LNX1: variants seen among roughly 807,000 people sequenced by gnomAD.
The protein encoded by LNX1 is ligand of numb-protein X 1, also known as E3 ubiquitin-protein ligase LNX.
A neutral mutation model predicts 68.4 loss-of-function variants in LNX1; 54 were observed. That is an observed-to-expected ratio of 0.79 (90% CI 0.63 to 0.99). The LOEUF is 0.99. Ranked by LOEUF, LNX1 falls within the 50% of genes least tolerant of loss-of-function variation. LNX1 has a pLI of 0.00. For synonymous variants in LNX1, 336 were observed against 350.0 expected (o/e 0.96, Z 0.45); for missense variants, 906 against 926.4 (o/e 0.98, Z 0.29).
upstream of LNX1, among the ~76,000 whole-genome samples, chr4:53,596,307 G>T (rs1289041233): frequency 6.6e-6 from 1 of 152,182 alleles, no homozygotes. Flanking sequence ...TGGACCTACA[G>T]TTTAGGAGGA....
At chr4:53,564,823 C>A (rs1730538413) in intron 2 of LNX1, among the ~76,000 whole-genome samples, 1 of 152,236 alleles carries the variant, frequency 6.6e-6, no homozygotes, top group Admixed American at 6.5e-5. Flanking sequence ...GAGGCATTGC[C>A]TCACTTGGGA....
At chr4:53,553,220 C>T (rs1281217053) in intron 2 of LNX1, among the ~76,000 whole-genome samples, 1 of 152,092 alleles carries the variant, frequency 6.6e-6, no homozygotes, top group Non-Finnish European at 1.5e-5. Flanking sequence ...TGATAATTTT[C>T]AACAGGGAAA....
At chr4:53,511,666 T>C (rs905474335) in intron 2 of LNX1, among the ~76,000 whole-genome samples, 4 of 152,148 alleles carry the variant, frequency 2.6e-5, no homozygotes, top group African/African-American at 9.7e-5. Flanking sequence ...AGAATTTTTG[T>C]CTCTTTTGGG....
At chr4:53,549,249 G>C (rs1729331311) in intron 2 of LNX1, 1 of 152,132 alleles carries the variant, frequency 6.6e-6, no homozygotes, top group African/African-American at 2.4e-5. Flanking sequence ...TAAAATTGTA[G>C]TTACATTCAT....
At chr4:53,651,417 A>G (rs998563896) in intron 1 of LNX1, among the ~76,000 whole-genome samples, 3 of 152,238 alleles carry the variant, frequency 2.0e-5, no homozygotes, top group African/African-American at 7.2e-5. Flanking sequence ...AGTGAATTCA[A>G]TGCCCAGGAA....
intron 2 of LNX1, among the ~76,000 whole-genome samples, chr4:53,509,772 C>T (rs1175077537): frequency 6.6e-6 from 1 of 152,164 alleles, no homozygotes; most frequent in African/African-American, 2.4e-5. Flanking sequence ...AATCAGGATG[C>T]ATGTGTGATT....
chr4:53,499,334 T>C (rs967335002), intron 4 of LNX1, among the ~76,000 whole-genome samples: 3 of 152,140 alleles, frequency 2.0e-5, no homozygotes, highest in Middle Eastern at 3.2e-3. Context: ...AATTTTTACA[T>C]TTTTTGTGGA....
intron 4 of LNX1, among the ~76,000 whole-genome samples, 196 bp downstream of exon 4, chr4:53,507,121 A>G: frequency 6.6e-6 from 1 of 152,152 alleles, no homozygotes; most frequent in Non-Finnish European, 1.5e-5. Flanking sequence ...TTTTTCTTCA[A>G]TCTATGTAAA....
At chr4:53,648,814 A>G (rs1464899203) in intron 1 of LNX1, among the ~76,000 whole-genome samples, 2 of 152,156 alleles carry the variant, frequency 1.3e-5, no homozygotes, top group South Asian at 2.1e-4. Context: ...CCCTGAACAC[A>G]TTCATGGTGC....
chr4:53,549,004 T>G (rs1176093512), intron 2 of LNX1, among the ~76,000 whole-genome samples: 1 of 152,136 alleles, frequency 6.6e-6, no homozygotes, highest in Non-Finnish European at 1.5e-5. Context: ...TGACCGACAC[T>G]GGGGTCTACT....
intron 2 of LNX1, among the ~76,000 whole-genome samples, chr4:53,606,309 A>G (rs1215977087): frequency 2.6e-5 from 4 of 152,220 alleles, no homozygotes; most frequent in Non-Finnish European, 5.9e-5. Context: ...GAACACCTCT[A>G]TGCACACAAG....
At chr4:53,631,166 C>G (rs904076777) in intron 1 of LNX1, among the ~76,000 whole-genome samples, 1 of 152,232 alleles carries the variant, frequency 6.6e-6, no homozygotes, top group Admixed American at 6.5e-5. Flanking sequence ...AGTTTTAGTA[C>G]CCAGGGGGAG....
At chr4:53,596,004 A>C (rs1732736273), upstream of LNX1, among the ~76,000 whole-genome samples, 1 of 152,178 alleles carries the variant, frequency 6.6e-6, no homozygotes. Context: ...AAAGGTATTT[A>C]ACATTATGAT....
chr4:53,554,794 G>C (rs1264188711), intron 2 of LNX1, among the ~76,000 whole-genome samples: 3 of 151,184 alleles, frequency 2.0e-5, no homozygotes, highest in African/African-American at 7.3e-5. Flanking sequence ...GGAGGTTGCA[G>C]CTAGCTGAGA....
At chr4:53,557,643 G>GA (rs1002901125) in intron 2 of LNX1, among the ~76,000 whole-genome samples, 35 of 148,988 alleles carry the variant, frequency 2.3e-4, no homozygotes, top group East Asian at 1.8e-3. Context: ...ACTGAAGCAG[G>GA]AAAAAAAAAT....
intron 4 of LNX1, among the ~76,000 whole-genome samples, chr4:53,501,437 G>C (rs1389709176): frequency 6.6e-6 from 1 of 151,904 alleles, no homozygotes; most frequent in African/African-American, 2.4e-5. Context: ...ACAGGTGTGT[G>C]CCACCATGTC....
At position 53,497,930 on chromosome 4, in the gene LNX1, T is replaced by C. The variant is rs533343417; in HGVS notation, c.978+711A>G. ...ATAGAACTGTTATCTGAGTGTCAGATAGAAAATATACGAGCAGGGAGGGGT... is the reference window on the plus strand; with the variant it reads ...ATAGAACTGTTATCTGAGTGTCAGACAGAAAATATACGAGCAGGGAGGGGT... On this transcript the variant is annotated intron_variant, in intron 5 of 10. Coordinates refer to ENST00000263925, the MANE Select transcript of LNX1 (RefSeq NM_001126328.3). 2.6e-5 allele frequency among the ~76,000 whole-genome samples: 4 copies of C among 152,334 alleles called. No individual in the cohort carries two copies. The South Asian group carries it at 8.3e-4, about 32-fold the overall frequency.
intron 1 of LNX1, among the ~76,000 whole-genome samples, chr4:53,581,181 T>C (rs994389847): frequency 6.6e-6 from 1 of 152,184 alleles, no homozygotes; most frequent in Non-Finnish European, 1.5e-5. Flanking sequence ...TGTACCCTTA[T>C]CAGTTGCAGC....
chr4:53,475,796 G>A (rs1000184765), intron 9 of LNX1, among the ~76,000 whole-genome samples: 1 of 152,178 alleles, frequency 6.6e-6, no homozygotes, highest in African/African-American at 2.4e-5. Flanking sequence ...GTAATTAAGT[G>A]AGACAAGTAA....
Sources: gnomAD v4.1 joint callset for allele counts (sites outside exome capture counted in the v4.1 genomes callset) on GRCh38, gnomAD v4.1.1 for gene constraint, MANE v1.5 for transcripts, NCBI Gene and HGNC (gene_info 2026-07-23, HGNC 2026-07-21) for gene names.